SPTLC1: variants seen among roughly 807,000 people sequenced by gnomAD.
SPTLC1 encodes serine palmitoyltransferase 1.
A neutral mutation model predicts 68.9 loss-of-function variants in SPTLC1; 55 were observed. That is an observed-to-expected ratio of 0.80 (90% CI 0.64 to 1.00). The LOEUF (loss-of-function observed/expected upper bound fraction) is 1.00, where lower values mean the gene tolerates loss of function less well. Among genes scored for constraint, SPTLC1 ranks in the 50% least tolerant of loss-of-function variants. The probability of loss-of-function intolerance (pLI) is 0.00; values close to 1 mark genes in which losing one functional copy is unlikely to be tolerated. For synonymous variants in SPTLC1, 197 were observed against 201.6 expected (o/e 0.98, Z 0.19); for missense variants, 449 against 573.1 (o/e 0.78, Z 2.21).
At chr9:92,101,785 A>G (rs1298006017) in intron 3 of SPTLC1, among the ~76,000 whole-genome samples, 3 of 151,254 alleles carry the variant, frequency 2.0e-5, no homozygotes, top group Non-Finnish European at 4.4e-5. Flanking sequence ...AAGAAAGTCT[A>G]TGAGACTTGT....
In SPTLC1 at chr9:92,094,916, A is replaced by C. The variant is rs553482240; in HGVS notation, c.260+13824T>G. Among the ~76,000 whole-genome samples the C allele has an allele frequency of 7.9e-4, 120 of 152,314 alleles. 1 individual carries two copies. Among genetic ancestry groups the C allele is most frequent in the African/African-American group, 2.2e-3 (93 of 41,562 alleles). On this transcript the variant is annotated intron_variant, in intron 3 of 14. Transcript: ENST00000262554. ...ACATAAGCAATGACAACCATGTCAC[A>C]AACTACCTTCCTGGCTGACAATGAC...
At chr9:92,103,072 C>T (rs1186484394) in intron 3 of SPTLC1, among the ~76,000 whole-genome samples, 1 of 152,186 alleles carries the variant, frequency 6.6e-6, no homozygotes, top group Non-Finnish European at 1.5e-5. Context: ...AATGTATTTG[C>T]TTTCTAGACA....
intron 3 of SPTLC1, among the ~76,000 whole-genome samples, chr9:92,092,891 C>T (rs2118751066): frequency 6.6e-6 from 1 of 152,314 alleles, no homozygotes; most frequent in East Asian, 1.9e-4. Flanking sequence ...ATATATGAAA[C>T]TCTTTACTGC....
chr9:92,054,007 C>T lies in SPTLC1; in HGVS notation c.780+1398G>A, dbSNP rs996448214. Reference sequence around the variant, plus strand: ...ATTAAAAAGCTAAGTTTTGGCCATGCGTGGTGGCTCACGCCTGTAATCTCA... The same window carrying T: ...ATTAAAAAGCTAAGTTTTGGCCATGTGTGGTGGCTCACGCCTGTAATCTCA... On this transcript the variant is annotated intron_variant, in intron 8 of 14. Coordinates refer to ENST00000262554, the MANE Select transcript of SPTLC1 (RefSeq NM_006415.4). 27 of 983,536 alleles carry T rather than the reference C, an allele frequency of 2.7e-5. No homozygotes were observed. In the Admixed American group the frequency reaches 3.1e-4, roughly 11 times the overall value. 60.9% of individuals were successfully genotyped at this position (983,536 alleles called of 1,614,324 possible).
chr9:92,033,214 T>G (rs922572819), intron 14 of SPTLC1, among the ~76,000 whole-genome samples: 1 of 152,258 alleles, frequency 6.6e-6, no homozygotes, highest in African/African-American at 2.4e-5. Context: ...CATCATGTAC[T>G]GCTTCAGGCA....
At chr9:92,101,561 C>CAA (rs61125464) in intron 3 of SPTLC1, among the ~76,000 whole-genome samples, 50 of 45,826 alleles carry the variant, frequency 1.1e-3, no homozygotes, top group Non-Finnish European at 1.6e-3. Flanking sequence ...GACTCCGTCT[C>CAA]AAAAAAAAAA....
rs756960214 is a variant in SPTLC1 at position 92,032,445 on chromosome 9, C to G, written c.*20G>C. On this transcript the variant is annotated 3_prime_UTR_variant, in exon 15 of 15. Coordinates refer to ENST00000262554, the MANE Select transcript of SPTLC1 (RefSeq NM_006415.4). ...TCTCTGCGTGTTGTGTGGCAGGAGGCCATGGTCCCGGGACTCTGCCTAGAG... is the reference window on the plus strand; with the variant it reads ...TCTCTGCGTGTTGTGTGGCAGGAGGGCATGGTCCCGGGACTCTGCCTAGAG... The G allele has an allele frequency of 6.2e-7, 1 of 1,613,998 alleles. No homozygotes were observed.
In SPTLC1 at chr9:92,046,053, C is replaced by T. The variant is rs376728808; in HGVS notation, c.1082G>A (p.Gly361Asp). The T allele has an allele frequency of 1.2e-6, 2 of 1,612,440 alleles. No individual in the cohort carries two copies. The highest frequency in any genetic ancestry group is 1.7e-5 in the Admixed American group (1 of 59,930). ...CTTTTCCTTCAACACTGCAAAAATA[C>T]CTAGATGAAAAAAATACGTTTGAGA... ...EALNIMEENP[G>D]IFAVLKEKCG... Residue 361 changes from glycine to aspartate, a missense_variant and splice_region_variant, in exon 12 of 15, where the codon GGT becomes GAT. By Grantham distance (94) the Gly-to-Asp change is moderately conservative (BLOSUM62 -1). Around this residue, in one of 3 missense-constraint regions of SPTLC1, gnomAD observed 391 missense variants for 472.1 expected, o/e 0.83. Coordinates refer to ENST00000262554, the MANE Select transcript of SPTLC1 (RefSeq NM_006415.4).
chr9:92,101,211 A>T (rs1423628747), intron 3 of SPTLC1, among the ~76,000 whole-genome samples: 3 of 151,452 alleles, frequency 2.0e-5, no homozygotes, highest in East Asian at 1.9e-4. Context: ...ATCGAATAAT[A>T]AAAAAAAACA....
intron 9 of SPTLC1, among the ~76,000 whole-genome samples, chr9:92,048,609 T>C (rs1833599346): frequency 6.6e-6 from 1 of 152,196 alleles, no homozygotes; most frequent in Non-Finnish European, 1.5e-5. Flanking sequence ...ACCACCCTCA[T>C]CATTTCTTTG....
At chr9:92,052,313 G>T (rs1298979294) in intron 8 of SPTLC1, among the ~76,000 whole-genome samples, 2 of 152,062 alleles carry the variant, frequency 1.3e-5, no homozygotes, top group African/African-American at 2.4e-5. Flanking sequence ...TTCAACAAGG[G>T]TGCCAAGACC....
At chr9:92,064,087 T>A (rs868371843) in intron 6 of SPTLC1, among the ~76,000 whole-genome samples, 1 of 152,232 alleles carries the variant, frequency 6.6e-6, no homozygotes, top group Non-Finnish European at 1.5e-5. Context: ...ACTGTCTACA[T>A]GGAAAATCCT....
intron 8 of SPTLC1, chr9:92,050,963 C>T: frequency 2.0e-6 from 2 of 984,476 alleles, no homozygotes; most frequent in Non-Finnish European, 2.4e-6. Context: ...AAGGTGTGAG[C>T]CACCATGCCC....
At chr9:92,035,066 T>A (rs1833098599) in intron 13 of SPTLC1, among the ~76,000 whole-genome samples, 183 bp from the exon 14 acceptor site, 1 of 152,214 alleles carries the variant, frequency 6.6e-6, no homozygotes, top group South Asian at 2.1e-4. Context: ...CTTTCTGCAA[T>A]GACAAATACC....
intron 5 of SPTLC1, among the ~76,000 whole-genome samples, chr9:92,071,688 G>T (rs529300640): frequency 7.9e-5 from 12 of 152,260 alleles, no homozygotes; most frequent in African/African-American, 2.2e-4. Flanking sequence ...ACCAAGCTGC[G>T]CCATGGTCAA....
At chr9:92,079,846 G>C in intron 5 of SPTLC1, 170 bp downstream of exon 5, 1 of 700,670 alleles carries the variant, frequency 1.4e-6, no homozygotes, top group Non-Finnish European at 2.6e-6. Context: ...GTAGAGACAG[G>C]GTCTCCCTAT....
intron 10 of SPTLC1, among the ~76,000 whole-genome samples, 154 bp downstream of exon 10, chr9:92,047,459 A>C (rs555505080): frequency 6.6e-6 from 1 of 152,334 alleles, no homozygotes; most frequent in East Asian, 1.9e-4. Flanking sequence ...ATCATTTCTA[A>C]ATAGAAATAT....
intron 3 of SPTLC1, among the ~76,000 whole-genome samples, chr9:92,086,578 T>G (rs1587581735): frequency 1.3e-5 from 2 of 152,386 alleles, no homozygotes; most frequent in Non-Finnish European, 2.9e-5. Context: ...GTCCCCACTC[T>G]CTTCTGGCTT....
In SPTLC1 at chr9:92,047,153, G is replaced by A; in HGVS notation, c.1081+19C>T. On this transcript the variant is annotated intron_variant, in intron 11 of 14. Transcript: ENST00000262554. ...AACCTGAAATCTCTTTGATTCCTTG[G>A]GTTTTTAAAGGGTTATACCTGGATT... 1.3e-6 allele frequency: 2 copies of A among 1,586,922 alleles called. No individual in the cohort carries two copies. Among genetic ancestry groups the A allele is most frequent in the African/African-American group, 1.4e-5 (1 of 73,598 alleles).
Sources: gnomAD v4.1 joint callset for allele counts (sites outside exome capture counted in the v4.1 genomes callset) on GRCh38, gnomAD v4.1.1 for gene constraint, gnomAD v4.1.1 regional missense constraint, MANE v1.5 for transcripts, NCBI Gene and HGNC (gene_info 2026-07-23, HGNC 2026-07-21) for gene names.